The following TEX2 variants were observed in gnomAD, a reference collection of about 807,000 sequenced individuals.
TEX2 encodes the protein testis-expressed protein 2.
Under a neutral mutation model 106.9 loss-of-function variants are expected in TEX2, and 53 were observed. That is an observed-to-expected ratio of 0.50 (90% CI 0.40 to 0.62). The LOEUF is 0.62. Among genes scored for constraint, TEX2 ranks in the 20% least tolerant of loss-of-function variants. The probability of loss-of-function intolerance (pLI) is 0.00; values close to 1 mark genes in which losing one functional copy is unlikely to be tolerated. For missense variants in TEX2, 1,207 were observed against 1,379.0 expected (o/e 0.88, Z 1.98); for synonymous variants, 523 against 534.8 (o/e 0.98, Z 0.30).
intron 1 of TEX2, among the ~76,000 whole-genome samples, chr17:64,224,152 CA>C (rs1280853489): frequency 6.6e-6 from 1 of 152,160 alleles, no homozygotes; most frequent in Non-Finnish European, 1.5e-5. Flanking sequence ...AGTTTCAATC[CA>C]AAAGCTCCTG....
intron 4 of TEX2, among the ~76,000 whole-genome samples, chr17:64,189,899 C>G (rs995726140): frequency 6.6e-6 from 1 of 151,616 alleles, no homozygotes; most frequent in South Asian, 2.1e-4. Flanking sequence ...GCAGGATAAT[C>G]GCTTCAACCT....
intron 7 of TEX2, among the ~76,000 whole-genome samples, chr17:64,161,764 G>A (rs778786162): frequency 2.6e-5 from 4 of 151,892 alleles, no homozygotes; most frequent in Non-Finnish European, 4.4e-5. Context: ...ATTTTTCTGT[G>A]ATTTTTCAGA....
intron 2 of TEX2, among the ~76,000 whole-genome samples, chr17:64,200,801 G>T (rs2032635560): frequency 6.6e-6 from 1 of 152,100 alleles, no homozygotes; most frequent in Non-Finnish European, 1.5e-5. Context: ...GCCTGGAGGG[G>T]ACCCAAATTC....
chr17:64,212,440 G>T, intron 2 of TEX2, 134 bp downstream of exon 2: 1 of 767,452 alleles, frequency 1.3e-6, no homozygotes, highest in Non-Finnish European at 2.2e-6. Context: ...CCTGGAGAAT[G>T]AAGTGGCCCC....
At chr17:64,187,949 C>A (rs2032138376) in intron 5 of TEX2, among the ~76,000 whole-genome samples, 1 of 152,218 alleles carries the variant, frequency 6.6e-6, no homozygotes, top group Non-Finnish European at 1.5e-5. Flanking sequence ...CACTTCCCCT[C>A]CTCCCTTGTC....
chr17:64,255,135 G>C (rs2034161529), intron 1 of TEX2, among the ~76,000 whole-genome samples: 1 of 150,834 alleles, frequency 6.6e-6, no homozygotes, highest in Admixed American at 6.6e-5. Flanking sequence ...AAAGTGCTGG[G>C]ATTGCAGACA....
intron 1 of TEX2, among the ~76,000 whole-genome samples, chr17:64,256,519 T>C (rs1441970808): frequency 6.6e-6 from 1 of 152,222 alleles, no homozygotes; most frequent in African/African-American, 2.4e-5. Context: ...GCTCTCTCTC[T>C]TGAAATGCTC....
At chr17:64,159,108 G>A (rs890609970) in intron 8 of TEX2, among the ~76,000 whole-genome samples, 2 of 152,138 alleles carry the variant, frequency 1.3e-5, no homozygotes, top group South Asian at 4.1e-4. Context: ...ACTGGGCTAC[G>A]AGGGCTGCAT....
chr17:64,151,857 T>C (rs191160719), intron 10 of TEX2, among the ~76,000 whole-genome samples: 11 of 152,348 alleles, frequency 7.2e-5, no homozygotes, highest in African/African-American at 1.7e-4. Context: ...TGAAAGACCA[T>C]ACAATATATT....
At chr17:64,241,736 C>T (rs1052268325) in intron 1 of TEX2, among the ~76,000 whole-genome samples, 3 of 152,136 alleles carry the variant, frequency 2.0e-5, no homozygotes, top group Admixed American at 6.5e-5. Context: ...TGGGCTCAAG[C>T]AATCCTCCTA....
intron 1 of TEX2, among the ~76,000 whole-genome samples, chr17:64,225,254 C>T (rs1324276765): frequency 6.6e-6 from 1 of 151,868 alleles, no homozygotes; most frequent in African/African-American, 2.4e-5. Flanking sequence ...GGGTTCGAGA[C>T]CAGCCTGGAC....
intron 7 of TEX2, among the ~76,000 whole-genome samples, chr17:64,169,074 T>C (rs778684160): frequency 3.9e-5 from 6 of 152,166 alleles, no homozygotes; most frequent in Non-Finnish European, 8.8e-5. Context: ...AGTCTCGCTC[T>C]GTCGCCCAGG....
intron 1 of TEX2, among the ~76,000 whole-genome samples, chr17:64,244,805 C>A (rs1165780858): frequency 4.6e-5 from 7 of 151,994 alleles, no homozygotes; most frequent in African/African-American, 1.7e-4. Context: ...GTTGCTTTTT[C>A]AAATATGGAA....
In TEX2 at chr17:64,252,997, A is replaced by T. The variant is rs1208217521; in HGVS notation, c.-26+10171T>A. Among the ~76,000 whole-genome samples the T allele has an allele frequency of 3.3e-5, 5 of 152,126 alleles. No homozygotes were observed. The East Asian group carries it at 9.7e-4, about 29-fold the overall frequency. On this transcript the variant is annotated intron_variant, in intron 1 of 11. Coordinates refer to ENST00000584379, the MANE Select transcript of TEX2 (RefSeq NM_001288732.2). The stretch of plus-strand genomic sequence containing the variant: ...CAGTGTGCCTGGAATACAATAAACC[A>T]GGAGAGACACAGAGGCCCAGGCTGG...
At chr17:64,181,217 C>A (rs902703198) in intron 5 of TEX2, among the ~76,000 whole-genome samples, 4 of 151,982 alleles carry the variant, frequency 2.6e-5, no homozygotes, top group African/African-American at 9.7e-5. Flanking sequence ...GTGGTTCATG[C>A]CTGTAATCCC....
chr17:64,237,219 G>T (rs1176991872), intron 1 of TEX2, among the ~76,000 whole-genome samples: 1 of 151,960 alleles, frequency 6.6e-6, no homozygotes, highest in Non-Finnish European at 1.5e-5. Context: ...AACAAGAAGG[G>T]TAAGAGTAAG....
chr17:64,156,365 C>G (rs527897572), intron 8 of TEX2: 3 of 152,306 alleles, frequency 2.0e-5, no homozygotes, highest in South Asian at 2.1e-4. Flanking sequence ...CTCCAGCCAA[C>G]AGGCTGGACT....
chr17:64,199,415 T>C (rs976957200), intron 2 of TEX2, among the ~76,000 whole-genome samples: 1 of 152,048 alleles, frequency 6.6e-6, no homozygotes, highest in Non-Finnish European at 1.5e-5. Flanking sequence ...TTTCGTATTT[T>C]TAGTAGAGAT....
intron 1 of TEX2, among the ~76,000 whole-genome samples, chr17:64,243,756 A>G (rs2033934750): frequency 1.3e-5 from 2 of 151,594 alleles, no homozygotes; most frequent in South Asian, 2.1e-4. Flanking sequence ...GAGAGTTCAT[A>G]GTGTTCAGAG....
Sources: gnomAD v4.1 joint callset for allele counts (sites outside exome capture counted in the v4.1 genomes callset) on GRCh38, gnomAD v4.1.1 for gene constraint, MANE v1.5 for transcripts, NCBI Gene and HGNC (gene_info 2026-07-23, HGNC 2026-07-21) for gene names.